Variants in ZFYVE9 observed in about 807,000 individuals in gnomAD.
ZFYVE9 encodes zinc finger FYVE domain-containing protein 9.
A neutral mutation model predicts 126.7 loss-of-function variants in ZFYVE9; 43 were observed. That is an observed-to-expected ratio of 0.34 (90% CI 0.27 to 0.44). The LOEUF (loss-of-function observed/expected upper bound fraction) is 0.44. ZFYVE9 is among the 20% of genes least tolerant of loss of function. The pLI is 1.00. For missense variants in ZFYVE9, 1,476 were observed against 1,697.0 expected, an observed-to-expected ratio of 0.87 and a Z score of 2.29; for synonymous variants, 521 against 597.4, an observed-to-expected ratio of 0.87 and a Z score of 1.87.
intron 5 of ZFYVE9, among the ~76,000 whole-genome samples, chr1:52,266,375 G>A (rs1287374907): frequency 1.8e-5 from 2 of 114,128 alleles, no homozygotes; most frequent in African/African-American, 6.8e-5. Context: ...GGGATTAGAA[G>A]CATGAGCCAC....
intron 4 of ZFYVE9, among the ~76,000 whole-genome samples, chr1:52,248,787 T>C (rs868781807): frequency 1.3e-5 from 2 of 152,214 alleles, no homozygotes; most frequent in South Asian, 4.1e-4. Context: ...TACCCAGAAG[T>C]AGAATTGCTG....
At chr1:52,180,541 C>CT (rs778364194) in intron 1 of ZFYVE9, 1 of 674,496 alleles carries the variant, frequency 1.5e-6, no homozygotes, top group Non-Finnish European at 2.7e-6. Flanking sequence ...GACAGTGATT[C>CT]TGAGGGTGAC....
chr1:52,230,943 A>G (rs1259407912), intron 2 of ZFYVE9, among the ~76,000 whole-genome samples: 1 of 152,200 alleles, frequency 6.6e-6, no homozygotes, highest in African/African-American at 2.4e-5. Flanking sequence ...AATGTTAGGG[A>G]TGATATCTGA....
At chr1:52,253,430 A>G (rs969854483) in intron 4 of ZFYVE9, among the ~76,000 whole-genome samples, 6 of 152,212 alleles carry the variant, frequency 3.9e-5, no homozygotes, top group African/African-American at 9.6e-5. Context: ...TTATGCCTAT[A>G]TAACAAAAAA....
chr1:52,194,154 CATT>C (rs1356074505), intron 1 of ZFYVE9, among the ~76,000 whole-genome samples: 7 of 152,172 alleles, frequency 4.6e-5, no homozygotes, highest in African/African-American at 9.6e-5. Context: ...TAGGATATAT[CATT>C]GAGTGAGAAA....
chr1:52,245,473 A>G (rs768269213), intron 4 of ZFYVE9, among the ~76,000 whole-genome samples: 37 of 152,186 alleles, frequency 2.4e-4, no homozygotes, highest in Non-Finnish European at 4.3e-4. Context: ...GCGCTTTTCT[A>G]AATCCAGACT....
intron 11 of ZFYVE9, among the ~76,000 whole-genome samples, chr1:52,295,511 CCA>C (rs951514549): frequency 2.0e-5 from 3 of 152,008 alleles, no homozygotes; most frequent in Non-Finnish European, 4.4e-5. Context: ...GTGCATGCTA[CCA>C]CACCCAGCTA....
intron 3 of ZFYVE9, among the ~76,000 whole-genome samples, chr1:52,236,131 C>T (rs1472700938): frequency 2.0e-5 from 3 of 152,124 alleles, no homozygotes; most frequent in Non-Finnish European, 4.4e-5. Flanking sequence ...GTACGTGTCT[C>T]TTATTCTCCC....
intron 4 of ZFYVE9, among the ~76,000 whole-genome samples, chr1:52,251,045 TTGTTGTTGTTGTTG>T (rs1349225342): frequency 1.4e-5 from 2 of 144,840 alleles, no homozygotes; most frequent in Non-Finnish European, 3.1e-5. Flanking sequence ...GTTGTTGTTG[TTGTTGTTGTTGTTG>T]TTGTTTGTTT....
At chr1:52,223,415 A>G (rs1476606158) in intron 2 of ZFYVE9, among the ~76,000 whole-genome samples, 2 of 152,160 alleles carry the variant, frequency 1.3e-5, no homozygotes, top group African/African-American at 4.8e-5. Context: ...TAGGGTGGAC[A>G]GGCATAATCT....
chr1:52,288,940 A>AAAG (rs1557502314), intron 10 of ZFYVE9, among the ~76,000 whole-genome samples: 1 of 150,522 alleles, frequency 6.6e-6, no homozygotes, highest in African/African-American at 2.5e-5. Context: ...AAAAAAAAAA[A>AAAG]AAAAAAGAAA....
chr1:52,209,459 C>A (rs1323303944), intron 1 of ZFYVE9, among the ~76,000 whole-genome samples: 1 of 152,064 alleles, frequency 6.6e-6, no homozygotes, highest in Non-Finnish European at 1.5e-5. Context: ...ATTTTCATCA[C>A]CCCAAAAACT....
rs564322917 is a variant in ZFYVE9, at chr1:52,205,878, G to A, written c.-142-10491G>A. 5.9e-5 allele frequency among the ~76,000 whole-genome samples: 9 copies of A among 152,138 alleles called. No homozygotes were observed. In the East Asian group the frequency reaches 1.3e-3, roughly 23 times the overall value. On this transcript the variant is annotated intron_variant, in intron 1 of 18. Coordinates refer to ENST00000287727, the MANE Select transcript of ZFYVE9 (RefSeq NM_004799.4). ...GTTAGATTGCCACCTAGAATGATCCGAAATATAAGACCCATCCCTCTTTCC... is the reference window on the plus strand; with the variant it reads ...GTTAGATTGCCACCTAGAATGATCCAAAATATAAGACCCATCCCTCTTTCC...
chr1:52,308,013 A>G (rs1646101877), intron 13 of ZFYVE9, among the ~76,000 whole-genome samples: 1 of 152,134 alleles, frequency 6.6e-6, no homozygotes, highest in Admixed American at 6.5e-5. Flanking sequence ...TGGCCTCCCA[A>G]AGTGCTGGGA....
chr1:52,263,234 G>A (rs1461329589), intron 4 of ZFYVE9, among the ~76,000 whole-genome samples: 1 of 152,174 alleles, frequency 6.6e-6, no homozygotes, highest in Non-Finnish European at 1.5e-5. Flanking sequence ...GTGATTTCCT[G>A]TAGCTAAAGC....
At chr1:52,325,773 C>T (rs1646284941) in intron 13 of ZFYVE9, among the ~76,000 whole-genome samples, 1 of 152,170 alleles carries the variant, frequency 6.6e-6, no homozygotes, top group South Asian at 2.1e-4. Context: ...AAATTGTATC[C>T]ACTCCTCAAC....
chr1:52,293,311 G>A (rs771884342), intron 10 of ZFYVE9, 142 bp from the exon 11 acceptor site: 47 of 642,306 alleles, frequency 7.3e-5, no homozygotes, highest in African/African-American at 4.1e-4. Flanking sequence ...CCTGGGAGGC[G>A]GAGCTTGCAG....
At chr1:52,298,435 T>G (rs1645998850) in intron 12 of ZFYVE9, among the ~76,000 whole-genome samples, 1 of 152,186 alleles carries the variant, frequency 6.6e-6, no homozygotes, top group Non-Finnish European at 1.5e-5. Context: ...CTTGGCACCT[T>G]TGTCGAAAAT....
intron 5 of ZFYVE9, among the ~76,000 whole-genome samples, chr1:52,264,964 T>C (rs1645618003): frequency 6.6e-6 from 1 of 152,246 alleles, no homozygotes; most frequent in African/African-American, 2.4e-5. Flanking sequence ...TCTGCTGCTT[T>C]CATTTTCGGG....
Sources: gnomAD v4.1 joint callset for allele counts (sites outside exome capture counted in the v4.1 genomes callset) on GRCh38, gnomAD v4.1.1 for gene constraint, MANE v1.5 for transcripts, NCBI Gene and HGNC (gene_info 2026-07-23, HGNC 2026-07-21) for gene names.